Variants in MTHFD2L observed in about 807,000 individuals in gnomAD.
The protein encoded by MTHFD2L is methylenetetrahydrofolate dehydrogenase (NADP+ dependent) 2 like.
Under a neutral mutation model 34.9 loss-of-function variants are expected in MTHFD2L, and 29 were observed. The observed-to-expected ratio is 0.83, with a 90% CI of 0.62 to 1.13. MTHFD2L has a LOEUF of 1.13. Ranked by LOEUF, MTHFD2L falls within the 50% of genes most tolerant of loss-of-function variation. The pLI, the probability that MTHFD2L is intolerant of heterozygous loss-of-function variation, is 0.00. For missense variants in MTHFD2L, 481 were observed against 446.5 expected (o/e 1.08, Z -0.70); for synonymous variants, 167 against 155.7 (o/e 1.07, Z -0.54).
intron 6 of MTHFD2L, among the ~76,000 whole-genome samples, chr4:74,265,928 A>G (rs185268927): frequency 3.9e-5 from 6 of 152,278 alleles, no homozygotes; most frequent in Non-Finnish European, 7.4e-5. Context: ...TTTTCTTTTA[A>G]CAAACAAAGC....
At chr4:74,226,579 A>G (rs367812826) in intron 6 of MTHFD2L, among the ~76,000 whole-genome samples, 1 of 152,202 alleles carries the variant, frequency 6.6e-6, no homozygotes, top group African/African-American at 2.4e-5. Flanking sequence ...AGGCTGGAAT[A>G]TGGGGCTTGT....
intron 5 of MTHFD2L, among the ~76,000 whole-genome samples, chr4:74,224,447 T>C (rs1243081559): frequency 1.3e-5 from 2 of 152,164 alleles, no homozygotes; most frequent in East Asian, 3.8e-4. Flanking sequence ...TTTCTAAAAA[T>C]GGTGATCATG....
intron 1 of MTHFD2L, among the ~76,000 whole-genome samples, chr4:74,164,167 T>C (rs558061976): frequency 1.8e-4 from 28 of 152,300 alleles, no homozygotes; most frequent in Middle Eastern, 3.4e-3. Flanking sequence ...TGAGCCACCA[T>C]GCCTGGCCAG....
intron 6 of MTHFD2L, among the ~76,000 whole-genome samples, chr4:74,261,019 T>A (rs61306277): frequency 0.044 from 3,840 of 86,784 alleles, 101 homozygotes; most frequent in South Asian, 0.11. Flanking sequence ...TAGAAAAAAA[T>A]ATATATATAT....
intron 6 of MTHFD2L, among the ~76,000 whole-genome samples, chr4:74,270,252 G>A (rs1301775587): frequency 6.6e-6 from 1 of 151,908 alleles, no homozygotes; most frequent in Non-Finnish European, 1.5e-5. Flanking sequence ...CATGTGCCAT[G>A]TGGGTGTGCT....
intron 6 of MTHFD2L, among the ~76,000 whole-genome samples, chr4:74,260,897 A>G (rs1377737565): frequency 6.8e-6 from 1 of 147,354 alleles, no homozygotes. Flanking sequence ...AAAAGTGTAT[A>G]CCCATTTGTG....
chr4:74,239,334 G>A (rs1332268107), intron 6 of MTHFD2L, among the ~76,000 whole-genome samples: 3 of 152,058 alleles, frequency 2.0e-5, no homozygotes, highest in African/African-American at 7.3e-5. Context: ...CAGGCCTGTC[G>A]TAGTTTGGGG....
At chr4:74,146,998 CTT>C (rs1723632263) in intron 1 of MTHFD2L, among the ~76,000 whole-genome samples, 1 of 151,994 alleles carries the variant, frequency 6.6e-6, no homozygotes, top group African/African-American at 2.4e-5. Context: ...ATTTCAATCT[CTT>C]TGTTAATTTT....
At chr4:74,120,326 GTTGGTAAGGCAACAATGCTTACTT>G (rs1316941156), upstream of MTHFD2L, among the ~76,000 whole-genome samples, 6 of 152,216 alleles carry the variant, frequency 3.9e-5, no homozygotes, top group African/African-American at 1.4e-4. Context: ...GTCTACCAAT[GTTGGTAAGGCAACAATGCTTACTT>G]TTGTGCAATA....
intron 6 of MTHFD2L, among the ~76,000 whole-genome samples, chr4:74,227,589 G>A (rs563722082): frequency 6.6e-6 from 1 of 152,154 alleles, no homozygotes; most frequent in Admixed American, 6.5e-5. Flanking sequence ...GGTCTTTGAC[G>A]GCTTATTATA....
chr4:74,296,373 A>G (rs1220077609), intron 7 of MTHFD2L, among the ~76,000 whole-genome samples: 2 of 152,154 alleles, frequency 1.3e-5, no homozygotes, highest in African/African-American at 4.8e-5. Context: ...AGTAGATTAT[A>G]AAAAATGGCC....
chr4:74,126,165 G>A (rs1020866484), intron 1 of MTHFD2L, among the ~76,000 whole-genome samples: 7 of 152,076 alleles, frequency 4.6e-5, no homozygotes, highest in African/African-American at 1.7e-4. Context: ...ATAAATTCTT[G>A]GAAACTGTGA....
chr4:74,190,494 C>T (rs891580853), intron 3 of MTHFD2L: 13 of 985,214 alleles, frequency 1.3e-5, no homozygotes, highest in Non-Finnish European at 1.6e-5. Flanking sequence ...GAGAACCAGA[C>T]CCACCTTTTT....
chr4:74,120,552 C>G (rs1279762396), upstream of MTHFD2L, among the ~76,000 whole-genome samples: 1 of 152,182 alleles, frequency 6.6e-6, no homozygotes, highest in African/African-American at 2.4e-5. Context: ...CTACTTGGGT[C>G]AATGAGGTCA....
chr4:74,216,810 G>C (rs1737285186), intron 5 of MTHFD2L, among the ~76,000 whole-genome samples: 2 of 151,606 alleles, frequency 1.3e-5, no homozygotes, highest in Admixed American at 1.3e-4. Flanking sequence ...ATCACCACCT[G>C]GACTAATAAG....
In MTHFD2L at chr4:74,231,773, C is replaced by T. The variant is rs538186517; in HGVS notation, c.805+6379C>T. On this transcript the variant is annotated intron_variant, in intron 6 of 7. Coordinates refer to ENST00000325278, the MANE Select transcript of MTHFD2L (RefSeq NM_001144978.3). The stretch of plus-strand genomic sequence containing the variant: ...TAATAATAAAAGTAACCTTTCATAG[C>T]GATGTCTACTTTATATTTTTGATCT... Among the ~76,000 whole-genome samples, 251 of 152,146 alleles carry T rather than the reference C, an allele frequency of 1.6e-3. No homozygotes were observed. The Middle Eastern group carries it at 0.017, about 10-fold the overall frequency.
chr4:74,214,174 A>T (rs1736807698), intron 5 of MTHFD2L, among the ~76,000 whole-genome samples: 1 of 151,676 alleles, frequency 6.6e-6, no homozygotes, highest in South Asian at 2.1e-4. Flanking sequence ...ATCTCAGAAG[A>T]GTTTGTTATT....
intron 7 of MTHFD2L, among the ~76,000 whole-genome samples, chr4:74,289,153 A>G (rs1216173106): frequency 1.3e-5 from 2 of 152,222 alleles, no homozygotes; most frequent in Non-Finnish European, 2.9e-5. Flanking sequence ...ACAGATAATA[A>G]ACAAATACAT....
At chr4:74,208,639 C>A (rs1283163998) in intron 5 of MTHFD2L, among the ~76,000 whole-genome samples, 1 of 152,094 alleles carries the variant, frequency 6.6e-6, no homozygotes. Flanking sequence ...AAAGGAAAAA[C>A]TCAGTAAAGT....
Sources: allele counts gnomAD v4.1 joint callset (sites outside exome capture counted in the v4.1 genomes callset), GRCh38; gene constraint gnomAD v4.1.1; transcripts MANE v1.5; gene names NCBI Gene and HGNC (gene_info 2026-07-23, HGNC 2026-07-21).